Variants in SEPSECS observed in about 807,000 individuals in gnomAD.
SEPSECS encodes O-phosphoseryl-tRNA(Sec) selenium transferase.
Under a neutral mutation model 52.1 loss-of-function variants are expected in SEPSECS, and 42 were observed. That is an observed-to-expected ratio of 0.81 (90% CI 0.63 to 1.04). SEPSECS has a LOEUF of 1.04. Among genes scored for constraint, SEPSECS ranks in the 50% least tolerant of loss-of-function variants. SEPSECS has a pLI of 0.00. For synonymous variants in SEPSECS, 216 were observed against 211.4 expected (o/e 1.02, Z -0.19); for missense variants, 590 against 610.6 (o/e 0.97, Z 0.36).
Position 25,156,938 on chromosome 4 carries a change from A to G in SEPSECS, c.306T>C (p.Ser102=). ...IHGIGRSGDI[S]AVQPKAAGSS... Reference sequence around the variant, plus strand: ...AGCCTGCAGCTTTTGGTTGCACAGCAGAAATATCACCGGATCGTCCAATGC... The same window carrying G: ...AGCCTGCAGCTTTTGGTTGCACAGCGGAAATATCACCGGATCGTCCAATGC... Residue 102 remains serine (S), a synonymous_variant, in exon 3 of 11, where the codon TCT becomes TCC. Transcript: ENST00000382103. The G allele has an allele frequency of 6.2e-7, 1 of 1,613,272 alleles. No individual in the cohort carries two copies. The highest frequency in any genetic ancestry group is 8.5e-7 in the Non-Finnish European group (1 of 1,179,258).
rs886059340 is a variant in SEPSECS, at chr4:25,120,797, G to C, written c.*3134C>G. The C allele has an allele frequency of 6.6e-6, 1 of 151,920 alleles. No individual in the cohort carries two copies. The highest frequency in any genetic ancestry group is 1.5e-5 in the Non-Finnish European group (1 of 67,948). The allele number at this position is 151,920 out of a possible 1,614,324, so 9.4% of individuals were successfully genotyped here. A position where few individuals can be genotyped will look rare whatever the true frequency, so the allele number is the denominator to read the frequency against. ...TTTATTATTGTTGTTTTCAGCTGTTGGTTATTTTCCTCTGTGAAATATAAC... is the reference window on the plus strand; with the variant it reads ...TTTATTATTGTTGTTTTCAGCTGTTCGTTATTTTCCTCTGTGAAATATAAC... On this transcript the variant is annotated 3_prime_UTR_variant, in exon 11 of 11. Coordinates refer to ENST00000382103, the MANE Select transcript of SEPSECS (RefSeq NM_016955.4).
intron 8 of SEPSECS, among the ~76,000 whole-genome samples, chr4:25,143,071 C>T (rs1035771476): frequency 3.3e-5 from 5 of 152,188 alleles, no homozygotes; most frequent in African/African-American, 1.2e-4. Context: ...ACATATGGAT[C>T]TGTTTTCTTG....
chr4:25,160,038 C>A, intron 1 of SEPSECS: 1 of 985,440 alleles, frequency 1.0e-6, no homozygotes, highest in South Asian at 4.7e-5. Flanking sequence ...CCGACCCCAA[C>A]ACCCCCTCCT....
intron 8 of SEPSECS, among the ~76,000 whole-genome samples, chr4:25,142,873 C>T (rs1303757704): frequency 6.6e-6 from 1 of 152,154 alleles, no homozygotes; most frequent in African/African-American, 2.4e-5. Flanking sequence ...AAGAAATATT[C>T]TAGAGTCTTT....
chr4:25,147,715 T>C (rs1712046022), intron 6 of SEPSECS, among the ~76,000 whole-genome samples: 1 of 152,210 alleles, frequency 6.6e-6, no homozygotes, highest in South Asian at 2.1e-4. Context: ...CAGAATACTC[T>C]ATATGCTCAG....
intron 1 of SEPSECS, 121 bp downstream of exon 1, chr4:25,160,135 C>T (rs1326615989): frequency 6.7e-7 from 1 of 1,488,494 alleles, no homozygotes; most frequent in East Asian, 2.5e-5. Flanking sequence ...CAAGCTGAGA[C>T]AGACTTGGGA....
chr4:25,134,065 C>T (rs1728725535), intron 8 of SEPSECS, among the ~76,000 whole-genome samples: 1 of 131,308 alleles, frequency 7.6e-6, no homozygotes, highest in Non-Finnish European at 1.5e-5. Context: ...GTCAAGGCTG[C>T]AGTGAGCCAT....
At chr4:25,152,171 G>T in intron 5 of SEPSECS, 109 bp from the exon 6 acceptor site, 8 of 653,278 alleles carry the variant, frequency 1.2e-5, no homozygotes, top group Non-Finnish European at 8.2e-6. Flanking sequence ...TACACCAAAG[G>T]AAAAAAACGA....
chr4:25,129,371 C>T (rs2109489864), intron 8 of SEPSECS, among the ~76,000 whole-genome samples: 1 of 152,018 alleles, frequency 6.6e-6, no homozygotes, highest in South Asian at 2.1e-4. Flanking sequence ...GCCTGTAATC[C>T]CAGCATTTTT....
intron 9 of SEPSECS, among the ~76,000 whole-genome samples, chr4:25,126,196 T>C (rs1315034912): frequency 6.6e-6 from 1 of 152,140 alleles, no homozygotes; most frequent in Non-Finnish European, 1.5e-5. Context: ...ATTCTGAGGC[T>C]GTGTGGGTAA....
At chr4:25,127,228 T>G in intron 9 of SEPSECS, 36 bp downstream of exon 9, 1 of 1,338,068 alleles carries the variant, frequency 7.5e-7, no homozygotes, top group Non-Finnish European at 1.1e-6. Flanking sequence ...GAGTGGATCA[T>G]AAGTATTTGT....
At chr4:25,124,575 A>C (rs1728284003) in intron 10 of SEPSECS, among the ~76,000 whole-genome samples, 1 of 152,136 alleles carries the variant, frequency 6.6e-6, no homozygotes, top group African/African-American at 2.4e-5. Context: ...TAAAGAGGTA[A>C]AAAGAAAATG....
chr4:25,138,753 A>G (rs1728942993), intron 8 of SEPSECS, among the ~76,000 whole-genome samples: 1 of 152,254 alleles, frequency 6.6e-6, no homozygotes, highest in East Asian at 1.9e-4. Context: ...TATACAAGTG[A>G]CCTATGTGCC....
chr4:25,148,314 C>T (rs1712100524), intron 6 of SEPSECS, among the ~76,000 whole-genome samples: 1 of 126,140 alleles, frequency 7.9e-6, no homozygotes, highest in African/African-American at 3.1e-5. Flanking sequence ...GATCGCGCTA[C>T]TGCACTCCAG....
intron 6 of SEPSECS, among the ~76,000 whole-genome samples, chr4:25,146,140 TTTTTC>T (rs1300901868): frequency 6.6e-6 from 1 of 152,226 alleles, no homozygotes; most frequent in African/African-American, 2.4e-5. Flanking sequence ...TAACATAGTC[TTTTTC>T]TTTATCTGTA....
chr4:25,158,089 T>C (rs1010029829), intron 2 of SEPSECS, among the ~76,000 whole-genome samples: 1 of 152,198 alleles, frequency 6.6e-6, no homozygotes, highest in Non-Finnish European at 1.5e-5. Flanking sequence ...AAATTCGGTA[T>C]AGGAGGATTA....
At chr4:25,138,631 A>G (rs1728939232) in intron 8 of SEPSECS, among the ~76,000 whole-genome samples, 1 of 152,144 alleles carries the variant, frequency 6.6e-6, no homozygotes, top group Non-Finnish European at 1.5e-5. Flanking sequence ...CGAAGTTTTG[A>G]TATTTGGGAT....
rs370574629 is a variant in SEPSECS at position 25,121,544 on chromosome 4, T to A, written c.*2387A>T. The A allele has an allele frequency of 2.6e-5, 4 of 152,170 alleles. No homozygotes were observed. The East Asian group carries it at 5.8e-4, about 22-fold the overall frequency. 9.4% of individuals were successfully genotyped at this position (152,170 alleles called of 1,614,324 possible). On this transcript the variant is annotated 3_prime_UTR_variant, in exon 11 of 11. Transcript: ENST00000382103. ...GTACTAGCGAATTATAATAAATACA[T>A]CCTTTTTAATACTTATGTGTAGAAA...
At chr4:25,159,256 C>T in intron 1 of SEPSECS, 149 bp from the exon 2 acceptor site, 1 of 661,188 alleles carries the variant, frequency 1.5e-6, no homozygotes, top group Non-Finnish European at 2.5e-6. Context: ...TGTATAGAGA[C>T]CGCAAAGAGG....
Sources: allele counts gnomAD v4.1 joint callset (sites outside exome capture counted in the v4.1 genomes callset), GRCh38; gene constraint gnomAD v4.1.1; transcripts MANE v1.5; gene names NCBI Gene and HGNC (gene_info 2026-07-23, HGNC 2026-07-21).